GOPC: variants seen among roughly 807,000 people sequenced by gnomAD.
GOPC encodes golgi associated PDZ and coiled-coil motif containing.
In GOPC, 32 loss-of-function variants were observed where a neutral mutation model predicts 51.2. The ratio of observed to expected loss-of-function variants is 0.63; its 90% CI spans 0.47 to 0.84. The LOEUF (loss-of-function observed/expected upper bound fraction) is 0.84. Among genes scored for constraint, GOPC ranks in the 40% least tolerant of loss-of-function variants. The pLI, the probability that GOPC is intolerant of heterozygous loss-of-function variation, is 0.00. For missense variants in GOPC, 441 were observed against 555.5 expected, an observed-to-expected ratio of 0.79 and a Z score of 2.07; for synonymous variants, 190 against 205.1, an observed-to-expected ratio of 0.93 and a Z score of 0.63.
chr6:117,578,871 A>G (rs1779919638), intron 2 of GOPC, 29 bp downstream of exon 2: 2 of 1,501,558 alleles, frequency 1.3e-6, no homozygotes, highest in Non-Finnish European at 1.8e-6. Flanking sequence ...AAATACATGC[A>G]AGGGCATGTC....
In GOPC at chr6:117,566,971, C is replaced by A. The variant is rs115242892; in HGVS notation, c.1141G>T (p.Val381Leu). ...APEVDSDDEN[V>L]EYEDESGHRY... The stretch of plus-strand genomic sequence containing the variant: ...TGTCCACTCTCATCTTCATACTCTA[C>A]GTTTTCATCATCAGAATCCACTTCA... The change falls in exon 8 of 9, where the codon GTA becomes TTA. Residue 381 changes from valine to leucine, a missense_variant. This residue lies in a region of GOPC where 166 missense variants were observed against 267.0 expected (regional missense o/e 0.62). Transcript: ENST00000368498. The A allele has an allele frequency of 2.5e-6, 4 of 1,609,872 alleles. No homozygotes were observed. The highest frequency in any genetic ancestry group is 2.2e-5 in the East Asian group (1 of 44,650).
intron 8 of GOPC, among the ~76,000 whole-genome samples, chr6:117,565,793 G>A (rs1221473939): frequency 6.6e-6 from 1 of 152,068 alleles, no homozygotes; most frequent in Non-Finnish European, 1.5e-5. Context: ...TAAGAAAATG[G>A]CTTCCAAATA....
At chr6:117,569,427 C>T in intron 7 of GOPC, 145 bp downstream of exon 7, 1 of 1,120,454 alleles carries the variant, frequency 8.9e-7, no homozygotes, top group East Asian at 3.0e-5. Flanking sequence ...GACTGAATGT[C>T]AGCTATAAAA....
At chr6:117,592,387 C>T (rs935259233) in intron 1 of GOPC, among the ~76,000 whole-genome samples, 7 of 152,022 alleles carry the variant, frequency 4.6e-5, no homozygotes, top group African/African-American at 7.3e-5. Flanking sequence ...TTACCACAAA[C>T]GTGGTGGCTT....
chr6:117,587,026 CTA>C (rs1780042808), intron 1 of GOPC, among the ~76,000 whole-genome samples: 1 of 152,148 alleles, frequency 6.6e-6, no homozygotes, highest in Non-Finnish European at 1.5e-5. Context: ...AAACACAAGA[CTA>C]TGACCAAACA....
intron 1 of GOPC, among the ~76,000 whole-genome samples, chr6:117,590,358 C>T (rs1388155178): frequency 2.6e-5 from 4 of 152,002 alleles, no homozygotes; most frequent in Non-Finnish European, 5.9e-5. Context: ...ATTGCTTGAG[C>T]TTAGGAGATC....
chr6:117,586,600 C>T (rs1219417225), intron 1 of GOPC, among the ~76,000 whole-genome samples: 1 of 151,334 alleles, frequency 6.6e-6, no homozygotes, highest in Non-Finnish European at 1.5e-5. Context: ...CTTGCCTCAG[C>T]CTCCCAAGTT....
At chr6:117,579,781 C>T (rs10484299) in intron 1 of GOPC, among the ~76,000 whole-genome samples, 36,579 of 151,792 alleles carry the variant, frequency 0.24, 4,875 homozygotes, top group East Asian at 0.33. Flanking sequence ...GCCTTTGTTT[C>T]CTATTCAACT....
chr6:117,569,263 T>C (rs1008624091), intron 7 of GOPC, among the ~76,000 whole-genome samples: 10 of 152,210 alleles, frequency 6.6e-5, no homozygotes, highest in Admixed American at 1.3e-4. Flanking sequence ...TCAGGTCCTG[T>C]TCTGAGTACT....
chr6:117,569,799 T>A (rs1238896902), intron 6 of GOPC, 63 bp from the exon 7 acceptor site: 3 of 1,429,368 alleles, frequency 2.1e-6, no homozygotes, highest in Non-Finnish European at 1.9e-6. Context: ...CCGATTAATC[T>A]AGAGATAAAA....
At chr6:117,577,177 G>C (rs1779895336) in intron 3 of GOPC, among the ~76,000 whole-genome samples, 1 of 152,048 alleles carries the variant, frequency 6.6e-6, no homozygotes, top group Non-Finnish European at 1.5e-5. Context: ...GTAGAGGTAT[G>C]AGCAAGCTAC....
chr6:117,582,907 T>G (rs1779981022), intron 1 of GOPC, among the ~76,000 whole-genome samples: 1 of 151,720 alleles, frequency 6.6e-6, no homozygotes, highest in Non-Finnish European at 1.5e-5. Context: ...CTGCCCTTAC[T>G]GGTGGAGGGC....
At position 117,563,086 on chromosome 6, in the gene GOPC, CAG is replaced by C. The variant is rs1174884061; in HGVS notation, c.*166_*167del. Reference sequence around the variant, plus strand: ...GCTAATTATGGTCTACCACAGAAAACAGGGTGTTTTATGCATTGAGAATTGTT... The same window carrying C: ...GCTAATTATGGTCTACCACAGAAAACGGTGTTTTATGCATTGAGAATTGTT... On this transcript the variant is annotated 3_prime_UTR_variant, in exon 9 of 9. Coordinates refer to ENST00000368498, the MANE Select transcript of GOPC (RefSeq NM_020399.4). 3.3e-6 allele frequency: 2 copies of C among 598,600 alleles called. No homozygotes were observed. The highest frequency in any genetic ancestry group is 3.0e-5 in the Admixed American group (1 of 33,330). The allele number at this position is 598,600 out of a possible 1,614,324, so 37.1% of individuals were successfully genotyped here. A position where few individuals can be genotyped will look rare whatever the true frequency, so the allele number is the denominator to read the frequency against.
At chr6:117,585,021 C>G (rs1032658726) in intron 1 of GOPC, among the ~76,000 whole-genome samples, 15 of 152,088 alleles carry the variant, frequency 9.9e-5, no homozygotes, top group African/African-American at 3.4e-4. Flanking sequence ...TGTGAGTCAA[C>G]TAAAATTTTT....
chr6:117,593,720 T>C (rs961461918), intron 1 of GOPC, among the ~76,000 whole-genome samples: 1 of 152,218 alleles, frequency 6.6e-6, no homozygotes, highest in Non-Finnish European at 1.5e-5. Flanking sequence ...GGTTGGCCCA[T>C]GGTAACTGAT....
rs369249773 is a variant in GOPC, at chr6:117,602,056, G to T, written c.233C>A (p.Ala78Glu). ...QKMTSLSSCF[A>E]QLCHKAQSVS... is the part of the protein sequence containing the mutation. ...AGACTGGGCTTTGTGGCAAAGCTGT[G>T]CAAAGCAGGAGCTCAGGCTGGTCAT... Residue 78 changes from alanine to glutamate, a missense_variant, in exon 1 of 9, where the codon GCA (alanine) becomes GAA (glutamate). By Grantham distance (107) the Ala-to-Glu change is moderately radical. Transcript: ENST00000368498. The T allele has an allele frequency of 3.1e-6, 5 of 1,614,068 alleles. No homozygotes were observed. The African/African-American group carries it at 5.3e-5, about 17-fold the overall frequency.
rs1206575545 is a variant in GOPC at position 117,578,904 on chromosome 6, T to C, written c.446A>G (p.Lys149Arg). 1 of 1,582,748 alleles carries C rather than the reference T, an allele frequency of 6.3e-7. No homozygotes were observed. Among genetic ancestry groups the C allele is most frequent in the Admixed American group, 1.8e-5 (1 of 55,170 alleles). ...GTCACTCTCTAAACTACTTACCAAT[T>C]TTGCCTTAATGGTACCAGAGTCAGC... ...QSADSGTIKA[K>R]LSGPSVEELE... Residue 149 changes from lysine (K) to arginine (R), a missense_variant, in exon 2 of 9, where the codon AAA becomes AGA. By Grantham distance (26) the Lys-to-Arg change is conservative. This residue lies in a region of GOPC where 204 missense variants were observed against 219.8 expected (regional missense o/e 0.93). Coordinates refer to ENST00000368498, the MANE Select transcript of GOPC (RefSeq NM_020399.4).
At position 117,574,116 on chromosome 6, in the gene GOPC, G is replaced by A. The variant is rs142608244; in HGVS notation, c.651-484C>T. ...AAAACCTTAACAATTAACCAGGCAT[G>A]GTGGCATGCCTGTGGTCTCAGCTAC... On this transcript the variant is annotated intron_variant, in intron 4 of 8. Coordinates refer to ENST00000368498, the MANE Select transcript of GOPC (RefSeq NM_020399.4). 3.9e-4 allele frequency among the ~76,000 whole-genome samples: 59 copies of A among 152,190 alleles called. No homozygotes were observed. The East Asian group carries it at 0.01, about 26-fold the overall frequency.
intron 1 of GOPC, among the ~76,000 whole-genome samples, chr6:117,594,433 A>G (rs184055375): frequency 6.6e-6 from 1 of 152,308 alleles, no homozygotes; most frequent in Non-Finnish European, 1.5e-5. Context: ...TACCTTTCAT[A>G]GTATTCATCA....
Sources: allele counts gnomAD v4.1 joint callset (sites outside exome capture counted in the v4.1 genomes callset), GRCh38; gene constraint gnomAD v4.1.1; regional missense constraint gnomAD v4.1.1; transcripts MANE v1.5; gene names NCBI Gene and HGNC (gene_info 2026-07-23, HGNC 2026-07-21).